ATP8B4: variants seen among roughly 807,000 people sequenced by gnomAD.
The protein encoded by ATP8B4 is probable phospholipid-transporting ATPase IM.
A neutral mutation model predicts 145.6 loss-of-function variants in ATP8B4; 133 were observed. That is an observed-to-expected ratio of 0.91 (90% confidence interval 0.79 to 1.05). The LOEUF is 1.05. Among genes scored for constraint, ATP8B4 ranks in the 50% least tolerant of loss-of-function variants. ATP8B4 has a pLI of 0.00. For missense variants in ATP8B4, 1,458 were observed against 1,425.2 expected (o/e 1.02, Z -0.37); for synonymous variants, 507 against 492.9 (o/e 1.03, Z -0.38).
intron 3 of ATP8B4, among the ~76,000 whole-genome samples, chr15:50,063,629 ATAG>A (rs1312869700): frequency 6.6e-6 from 1 of 152,132 alleles, no homozygotes; most frequent in Non-Finnish European, 1.5e-5. Flanking sequence ...CACTGAAAAG[ATAG>A]TACAGTCTTA....
intron 13 of ATP8B4, among the ~76,000 whole-genome samples, chr15:49,969,116 G>A (rs759212139): frequency 6.6e-6 from 1 of 152,126 alleles, no homozygotes; most frequent in Non-Finnish European, 1.5e-5. Flanking sequence ...CTGGGACACA[G>A]ATAAAGCAGT....
At chr15:49,983,811 T>G (rs191639022) in intron 10 of ATP8B4, among the ~76,000 whole-genome samples, 2 of 152,308 alleles carry the variant, frequency 1.3e-5, no homozygotes, top group African/African-American at 4.8e-5. Context: ...TCCATCCCTA[T>G]CCTCTGTGCT....
Position 50,044,702 on chromosome 15 carries a change from A to T in ATP8B4, c.202-10T>A, listed in dbSNP as rs756442433. 1.5e-5 allele frequency: 24 copies of T among 1,590,968 alleles called. No homozygotes were observed. Among genetic ancestry groups the T allele is most frequent in the Middle Eastern group, 1.7e-4 (1 of 6,050 alleles). On this transcript the variant is annotated splice_polypyrimidine_tract_variant and intron_variant, in intron 4 of 27. Transcript: ENST00000284509. ...AAATTTCTGGAATTAGCTGAAACAA[A>T]CATTCCAAATAGTTTAGGGCTTTTA...
At chr15:49,986,434 C>T (rs1354900422) in intron 10 of ATP8B4, among the ~76,000 whole-genome samples, 1 of 152,102 alleles carries the variant, frequency 6.6e-6, no homozygotes, top group Non-Finnish European at 1.5e-5. Context: ...AATGTAAAAG[C>T]GCATATACTG....
At chr15:50,116,266 A>G (rs2057157844) in intron 1 of ATP8B4, among the ~76,000 whole-genome samples, 1 of 152,134 alleles carries the variant, frequency 6.6e-6, no homozygotes, top group Admixed American at 6.5e-5. Flanking sequence ...AGTAAAATAA[A>G]ATAAAATAAA....
At chr15:49,962,949 TAAAG>T (rs144124908) in intron 13 of ATP8B4, among the ~76,000 whole-genome samples, 8,416 of 152,106 alleles carry the variant, frequency 0.055, 807 homozygotes, top group African/African-American at 0.19. Context: ...ATGAGTTACT[TAAAG>T]AAACTACCAT....
At chr15:49,999,710 T>C (rs1013087145) in intron 8 of ATP8B4, among the ~76,000 whole-genome samples, 3 of 152,116 alleles carry the variant, frequency 2.0e-5, no homozygotes, top group Admixed American at 2.0e-4. Context: ...AATTGCATCT[T>C]ACTACAGTTT....
intron 14 of ATP8B4, among the ~76,000 whole-genome samples, chr15:49,942,788 G>A (rs2042263365): frequency 6.6e-6 from 1 of 151,886 alleles, no homozygotes; most frequent in Non-Finnish European, 1.5e-5. Flanking sequence ...TCGCGCCACT[G>A]CACTCCAGCC....
intron 14 of ATP8B4, among the ~76,000 whole-genome samples, chr15:49,939,443 A>T (rs1298222958): frequency 3.3e-5 from 5 of 152,154 alleles, no homozygotes; most frequent in African/African-American, 9.6e-5. Context: ...TCACAGAAAC[A>T]CAAAAGATCC....
chr15:50,142,824 G>T (rs1004107388), intron 1 of ATP8B4, among the ~76,000 whole-genome samples: 1 of 152,138 alleles, frequency 6.6e-6, no homozygotes, highest in African/African-American at 2.4e-5. Flanking sequence ...ATGCAGGGAG[G>T]GAGAGGCAAA....
At chr15:50,137,924 C>T (rs771019615) in intron 1 of ATP8B4, among the ~76,000 whole-genome samples, 2 of 152,146 alleles carry the variant, frequency 1.3e-5, no homozygotes, top group African/African-American at 2.4e-5. Context: ...TGCTCAGCTA[C>T]TCCCTTATCA....
intron 12 of ATP8B4, among the ~76,000 whole-genome samples, chr15:49,977,610 A>G (rs904787252): frequency 1.3e-5 from 2 of 152,140 alleles, no homozygotes; most frequent in East Asian, 1.9e-4. Flanking sequence ...TAAATGAGAT[A>G]AAGTATGTGG....
At chr15:50,058,160 G>C (rs1013685694) in intron 3 of ATP8B4, among the ~76,000 whole-genome samples, 5 of 152,210 alleles carry the variant, frequency 3.3e-5, no homozygotes, top group South Asian at 4.1e-4. Flanking sequence ...CTGCTGGCTA[G>C]AGCTCATCTA....
chr15:50,088,045 T>A (rs925776594), intron 2 of ATP8B4, among the ~76,000 whole-genome samples: 1 of 152,144 alleles, frequency 6.6e-6, no homozygotes, highest in African/African-American at 2.4e-5. Flanking sequence ...AATATTTTTA[T>A]TATACCTGAT....
At chr15:49,888,505 C>T (rs2036458725) in intron 23 of ATP8B4, among the ~76,000 whole-genome samples, 1 of 152,112 alleles carries the variant, frequency 6.6e-6, no homozygotes, top group Admixed American at 6.5e-5. Flanking sequence ...CACAAGTACA[C>T]AGTACCAGTA....
chr15:49,997,266 T>C (rs1010621948), intron 8 of ATP8B4, among the ~76,000 whole-genome samples: 1 of 152,086 alleles, frequency 6.6e-6, no homozygotes, highest in Non-Finnish European at 1.5e-5. Flanking sequence ...AAGTCTAAAA[T>C]AGACAACCTA....
chr15:50,084,177 C>T (rs1320545101), intron 2 of ATP8B4, among the ~76,000 whole-genome samples: 2 of 152,046 alleles, frequency 1.3e-5, no homozygotes, highest in African/African-American at 4.8e-5. Flanking sequence ...AGGCGGTCTG[C>T]CATCTAAGAC....
chr15:49,861,222 T>A (rs1203536447), intron 27 of ATP8B4, among the ~76,000 whole-genome samples: 1 of 152,158 alleles, frequency 6.6e-6, no homozygotes, highest in Non-Finnish European at 1.5e-5. Context: ...ATCAAACTTA[T>A]CGGACAAACA....
chr15:50,067,893 A>G (rs1003145087), intron 3 of ATP8B4, among the ~76,000 whole-genome samples: 1 of 152,230 alleles, frequency 6.6e-6, no homozygotes, highest in Non-Finnish European at 1.5e-5. Context: ...GGCAACAAAC[A>G]TACATGTTGC....
Sources: allele counts gnomAD v4.1 joint callset (sites outside exome capture counted in the v4.1 genomes callset), GRCh38; gene constraint gnomAD v4.1.1; transcripts MANE v1.5; gene names NCBI Gene and HGNC (gene_info 2026-07-23, HGNC 2026-07-21).